Variants in BICD1 observed in about 807,000 individuals in gnomAD.
BICD1 encodes BICD cargo adaptor 1.
In BICD1, 35 loss-of-function variants were observed where a neutral mutation model predicts 92.5. The observed-to-expected ratio is 0.38, with a 90% confidence interval of 0.29 to 0.50. The LOEUF is 0.50. Among genes scored for constraint, BICD1 ranks in the 20% least tolerant of loss-of-function variants. The pLI, the probability that BICD1 is intolerant of heterozygous loss-of-function variation, is 0.93. For synonymous variants in BICD1, 429 were observed against 465.1 expected (o/e 0.92, Z 1.00); for missense variants, 950 against 1,189.8 (o/e 0.80, Z 2.97).
chr12:32,122,175 G>A (rs983081306), intron 1 of BICD1, among the ~76,000 whole-genome samples: 8 of 151,640 alleles, frequency 5.3e-5, no homozygotes, highest in Non-Finnish European at 8.8e-5. Flanking sequence ...GGCTGGGCGC[G>A]CTGGCTCACA....
At chr12:32,305,216 A>G (rs1948179327) in intron 3 of BICD1, among the ~76,000 whole-genome samples, 1 of 152,198 alleles carries the variant, frequency 6.6e-6, no homozygotes, top group Admixed American at 6.6e-5. Context: ...ATCTCTGGGT[A>G]TAAAAATTTC....
intron 8 of BICD1, among the ~76,000 whole-genome samples, chr12:32,346,289 G>A (rs1416296655): frequency 6.7e-6 from 1 of 149,444 alleles, no homozygotes; most frequent in African/African-American, 2.5e-5. Context: ...GGCCGAGGTG[G>A]GTGGATCCCT....
chr12:32,346,592 A>ATATATATACGTG (rs1938612656), intron 8 of BICD1, among the ~76,000 whole-genome samples: 5 of 14,734 alleles, frequency 3.4e-4, no homozygotes, highest in Non-Finnish European at 4.8e-4. Context: ...ACGTGTATAT[A>ATATATATACGTG]TATATATATA....
At position 32,382,091 on chromosome 12, in the gene BICD1, G is replaced by A. The variant is rs971401206; in HGVS notation, c.*4464G>A. On this transcript the variant is annotated 3_prime_UTR_variant, in exon 10 of 10. Coordinates refer to ENST00000652176, the MANE Select transcript of BICD1 (RefSeq NM_001714.4). The stretch of plus-strand genomic sequence containing the variant: ...TTCCATTGTCTGTAATAATGCCCTC[G>A]GATGAGTTGTGTCTAAAATTAAGTT... The A allele has an allele frequency of 5.3e-5, 8 of 151,970 alleles. No individual in the cohort carries two copies. The highest frequency in any genetic ancestry group is 1.9e-4 in the East Asian group (1 of 5,190). 9.4% of individuals were successfully genotyped at this position (151,970 alleles called of 1,614,324 possible).
At chr12:32,173,983 C>G (rs745641679) in intron 1 of BICD1, among the ~76,000 whole-genome samples, 3 of 152,176 alleles carry the variant, frequency 2.0e-5, no homozygotes, top group African/African-American at 2.4e-5. Context: ...TCTGAGACAG[C>G]TTTTACATAA....
intron 4 of BICD1, among the ~76,000 whole-genome samples, chr12:32,314,095 C>A (rs892022432): frequency 1.3e-5 from 2 of 152,306 alleles, no homozygotes; most frequent in South Asian, 4.1e-4. Context: ...AATATATCAG[C>A]ACTTCATTTT....
intron 1 of BICD1, among the ~76,000 whole-genome samples, chr12:32,120,584 T>TGATAA (rs1942106155): frequency 6.6e-6 from 1 of 152,194 alleles, no homozygotes; most frequent in Non-Finnish European, 1.5e-5. Context: ...TGGGCCCTGT[T>TGATAA]GATAAGCCTC....
chr12:32,244,179 A>G (rs1592544011), intron 2 of BICD1, among the ~76,000 whole-genome samples: 2 of 152,124 alleles, frequency 1.3e-5, no homozygotes, highest in African/African-American at 4.8e-5. Flanking sequence ...AAAAATCAAT[A>G]CTAAGTTTCT....
intron 1 of BICD1, among the ~76,000 whole-genome samples, chr12:32,198,546 C>CTTTTTT (rs113075749): frequency 1.5e-5 from 2 of 134,506 alleles, no homozygotes; most frequent in Non-Finnish European, 1.6e-5. Flanking sequence ...TATCCCCACT[C>CTTTTTT]TTTTTTTTTT....
chr12:32,305,492 C>A (rs1423057852), intron 3 of BICD1, among the ~76,000 whole-genome samples: 2 of 150,894 alleles, frequency 1.3e-5, no homozygotes, highest in Non-Finnish European at 3.0e-5. Context: ...ACTATAATAC[C>A]TAATTATATA....
intron 1 of BICD1, among the ~76,000 whole-genome samples, chr12:32,178,801 G>A (rs894793160): frequency 3.3e-5 from 5 of 151,908 alleles, no homozygotes; most frequent in Admixed American, 6.6e-5. Context: ...GGCTGGGTTG[G>A]TAAAAATGGC....
At chr12:32,169,933 A>T (rs532436068) in intron 1 of BICD1, among the ~76,000 whole-genome samples, 19 of 152,342 alleles carry the variant, frequency 1.2e-4, no homozygotes, top group Non-Finnish European at 2.1e-4. Flanking sequence ...TTTCAAAGTT[A>T]TGCTTTTAAA....
At position 32,231,698 on chromosome 12, in the gene BICD1, C is replaced by T. The variant is rs185553934; in HGVS notation, c.426+15239C>T. ...TGGTGCGCTGCACCCACTAACTCAT[C>T]ATCTAGCATTAGGTATATCCCCCAA... On this transcript the variant is annotated intron_variant, in intron 2 of 9. Transcript: ENST00000652176. 4.6e-5 allele frequency among the ~76,000 whole-genome samples: 7 copies of T among 151,754 alleles called. No individual in the cohort carries two copies. In the East Asian group the frequency reaches 1.2e-3, roughly 25 times the overall value.
At chr12:32,221,405 C>A (rs190361346) in intron 2 of BICD1, among the ~76,000 whole-genome samples, 1 of 151,062 alleles carries the variant, frequency 6.6e-6, no homozygotes, top group Non-Finnish European at 1.5e-5. Flanking sequence ...TTTTATAGGC[C>A]GGGCATGGTG....
At chr12:32,339,043 T>C in intron 8 of BICD1, 64 bp downstream of exon 8, 1 of 1,468,342 alleles carries the variant, frequency 6.8e-7, no homozygotes, top group Admixed American at 2.9e-5. Context: ...CTCCCCTTCC[T>C]TCCGGTCACT....
At chr12:32,159,666 C>T (rs184779990) in intron 1 of BICD1, among the ~76,000 whole-genome samples, 3 of 152,250 alleles carry the variant, frequency 2.0e-5, no homozygotes, top group East Asian at 1.9e-4. Flanking sequence ...GCCAGAGACC[C>T]GGTATTTGGT....
intron 8 of BICD1, among the ~76,000 whole-genome samples, chr12:32,343,784 C>G (rs1938470022): frequency 6.6e-6 from 1 of 152,196 alleles, no homozygotes; most frequent in African/African-American, 2.4e-5. Flanking sequence ...ATCTTTAAAG[C>G]AACTCACAGA....
rs187630631 is a variant in BICD1 at position 32,370,858 on chromosome 12, C to T, written c.2840+3113C>T. ...AACCTCTCTAATTTGCTGAAGAAAG[C>T]GTGGAGCGGGCTGCTGTTTTGTTTG... On this transcript the variant is annotated intron_variant, in intron 9 of 9. Coordinates refer to ENST00000652176, the MANE Select transcript of BICD1 (RefSeq NM_001714.4). 2.3e-3 allele frequency among the ~76,000 whole-genome samples: 355 copies of T among 152,244 alleles called. 4 individuals are homozygous for T. The highest frequency in any genetic ancestry group is 8.2e-3 in the African/African-American group (342 of 41,524).
chr12:32,178,491 A>G (rs1944183278), intron 1 of BICD1, among the ~76,000 whole-genome samples: 1 of 151,974 alleles, frequency 6.6e-6, no homozygotes, highest in African/African-American at 2.4e-5. Context: ...CTGGGTTCTA[A>G]GCTACAGTTT....
Sources: gnomAD v4.1 joint callset for allele counts (sites outside exome capture counted in the v4.1 genomes callset) on GRCh38, gnomAD v4.1.1 for gene constraint, MANE v1.5 for transcripts, NCBI Gene and HGNC (gene_info 2026-07-23, HGNC 2026-07-21) for gene names.